The following IQSEC1 variants were observed in gnomAD, a reference collection of about 807,000 sequenced individuals.
IQSEC1 encodes IQ motif and SEC7 domain-containing protein 1.
Under a neutral mutation model 91.0 loss-of-function variants are expected in IQSEC1, and 31 were observed. The observed-to-expected ratio is 0.34, with a 90% CI of 0.26 to 0.46. The LOEUF is 0.46. IQSEC1 is among the 20% of genes least tolerant of loss of function. IQSEC1 has a pLI of 1.00. For missense variants in IQSEC1, 1,388 were observed against 1,575.6 expected, an observed-to-expected ratio of 0.88 and a Z score of 2.02; for synonymous variants, 699 against 662.6, an observed-to-expected ratio of 1.05 and a Z score of -0.84.
At chr3:13,234,420 G>A (rs1402176172) in intron 1 of IQSEC1, among the ~76,000 whole-genome samples, 1 of 152,208 alleles carries the variant, frequency 6.6e-6, no homozygotes, top group Non-Finnish European at 1.5e-5. Context: ...CAAGACAATG[G>A]TTTAAGCTAC....
chr3:13,153,249 G>A (rs1396673409), intron 2 of IQSEC1, among the ~76,000 whole-genome samples: 1 of 152,138 alleles, frequency 6.6e-6, no homozygotes. Flanking sequence ...TGGTCCAGCG[G>A]AAGTTGAAGC....
chr3:12,964,299 T>TACACACACACACACACAC (rs3072719), intron 1 of IQSEC1, among the ~76,000 whole-genome samples: 34 of 149,910 alleles, frequency 2.3e-4, no homozygotes, highest in South Asian at 8.5e-4. Context: ...ATACTCCCCC[T>TACACACACACACACACAC]ACACACACAC....
chr3:13,073,148 C>A lies in IQSEC1; in HGVS notation c.-134G>T. ...TAAATCGCGGGGCGAGTCACATTCCCGGGGGTGGCGGGCTCCTCCAGGGAG... is the reference window on the plus strand; with the variant it reads ...TAAATCGCGGGGCGAGTCACATTCCAGGGGGTGGCGGGCTCCTCCAGGGAG... On this transcript the variant is annotated 5_prime_UTR_variant, in exon 1 of 14. Coordinates refer to ENST00000613206, the MANE Select transcript of IQSEC1 (RefSeq NM_001134382.3). 1.8e-6 allele frequency: 1 copy of A among 564,276 alleles called. No homozygotes were observed. Among genetic ancestry groups the A allele is most frequent in the Non-Finnish European group, 2.9e-6 (1 of 340,634 alleles). 35.0% of individuals were successfully genotyped at this position (564,276 alleles called of 1,614,324 possible). A position where few individuals can be genotyped will look rare whatever the true frequency, so the allele number is the denominator to read the frequency against.
chr3:13,166,390 AT>A (rs1372433624), intron 1 of IQSEC1, among the ~76,000 whole-genome samples: 1 of 152,212 alleles, frequency 6.6e-6, no homozygotes, highest in Non-Finnish European at 1.5e-5. Flanking sequence ...AGTGCTTGTT[AT>A]GTGGCTGAGG....
Position 12,911,711 on chromosome 3 carries a change from C to T in IQSEC1, c.2334G>A (p.Gln778=). The T allele has an allele frequency of 6.2e-7, 1 of 1,612,798 alleles. No individual in the cohort carries two copies. The highest frequency in any genetic ancestry group is 8.5e-7 in the Non-Finnish European group (1 of 1,179,582). ...TGTACGTCACCGAGTTCTTCTTCTTCTGGAAGATCTTGGTGACCTAGAGGC... is the reference window on the plus strand; with the variant it reads ...TGTACGTCACCGAGTTCTTCTTCTTTTGGAAGATCTTGGTGACCTAGAGGC... The part of the protein sequence containing the change: ...NDLLVVTKIF[Q]KKKNSVTYSF... The change falls in exon 10 of 14, where the codon CAG becomes CAA. Residue 778 remains glutamine, a synonymous_variant. Coordinates refer to ENST00000613206, the MANE Select transcript of IQSEC1 (RefSeq NM_001134382.3).
At chr3:12,950,711 C>T (rs1699485927) in intron 1 of IQSEC1, among the ~76,000 whole-genome samples, 1 of 151,300 alleles carries the variant, frequency 6.6e-6, no homozygotes, top group Admixed American at 6.6e-5. Context: ...GGCGTGATCT[C>T]GGCTCACCGC....
At chr3:13,269,357 C>T (rs531955362) in intron 1 of IQSEC1, among the ~76,000 whole-genome samples, 2 of 152,374 alleles carry the variant, frequency 1.3e-5, no homozygotes, top group East Asian at 3.9e-4. Flanking sequence ...TTTCTCCAGA[C>T]CCCCTTTCCC....
intron 1 of IQSEC1, among the ~76,000 whole-genome samples, chr3:13,236,900 C>CA: frequency 7.2e-6 from 1 of 139,760 alleles, no homozygotes; most frequent in East Asian, 2.0e-4. Context: ...CAACAAAATG[C>CA]CCCCCTCCAG....
At chr3:13,151,782 A>T (rs1329870307) in intron 2 of IQSEC1, among the ~76,000 whole-genome samples, 1 of 152,206 alleles carries the variant, frequency 6.6e-6, no homozygotes, top group Non-Finnish European at 1.5e-5. Context: ...CCTGACCAAC[A>T]TGGTGAAACC....
chr3:13,239,762 G>A (rs1457217924), intron 1 of IQSEC1, among the ~76,000 whole-genome samples: 1 of 152,256 alleles, frequency 6.6e-6, no homozygotes, highest in Non-Finnish European at 1.5e-5. Context: ...TTGATGCTGA[G>A]GGAAATAAGC....
intron 1 of IQSEC1, among the ~76,000 whole-genome samples, chr3:13,212,792 T>C (rs1040416191): frequency 2.3e-4 from 35 of 152,340 alleles, no homozygotes; most frequent in Admixed American, 1.4e-3. Flanking sequence ...TCTTCTCACA[T>C]GTGTACTGGT....
rs147573022 is a variant in IQSEC1, at chr3:13,151,386, C to G, written c.302+12718G>C. On this transcript the variant is annotated intron_variant, in intron 2 of 15. Coordinates refer to the IQSEC1 transcript ENST00000648114. ...CCCTGAGTGATTCATCATTCAGGGA[C>G]CAGCTGAAAATCATGGCCCAACAGG... 3.2e-3 allele frequency among the ~76,000 whole-genome samples: 480 copies of G among 152,202 alleles called. 2 individuals carry two copies. Among genetic ancestry groups the G allele is most frequent in the African/African-American group, 0.011 (468 of 41,526 alleles).
intron 1 of IQSEC1, among the ~76,000 whole-genome samples, chr3:13,245,628 G>A (rs1398924927): frequency 2.0e-5 from 3 of 152,156 alleles, no homozygotes; most frequent in African/African-American, 7.2e-5. Flanking sequence ...ATTCCTGGGT[G>A]TGATGGCACA....
In IQSEC1 at chr3:12,900,255, C is replaced by A; in HGVS notation, c.*728G>T. ...AGTAATGATTGTGTAAAGATTTTAG[C>A]CAGTCCTAGAGGGACTTCTTTGTAT... On this transcript the variant is annotated 3_prime_UTR_variant, in exon 14 of 14. Transcript: ENST00000613206. 5.1e-6 allele frequency: 5 copies of A among 984,796 alleles called. No individual in the cohort carries two copies. The highest frequency in any genetic ancestry group is 6.0e-6 in the Non-Finnish European group (5 of 829,488). 61.0% of individuals were successfully genotyped at this position (984,796 alleles called of 1,614,324 possible).
chr3:13,175,262 A>C (rs183442100), intron 1 of IQSEC1, among the ~76,000 whole-genome samples: 49 of 152,166 alleles, frequency 3.2e-4, no homozygotes, highest in African/African-American at 1.1e-3. Context: ...ATGTTTCCTC[A>C]TTTGTAAAAT....
chr3:12,987,913 G>C (rs376395604), intron 1 of IQSEC1, among the ~76,000 whole-genome samples: 21 of 152,160 alleles, frequency 1.4e-4, no homozygotes, highest in Non-Finnish European at 2.9e-4. Context: ...GAGTGAAAAC[G>C]ACAAAGACCG....
chr3:12,947,772 C>T (rs1185198024), intron 1 of IQSEC1, among the ~76,000 whole-genome samples: 1 of 152,212 alleles, frequency 6.6e-6, no homozygotes, highest in Non-Finnish European at 1.5e-5. Flanking sequence ...CACAGTGAGC[C>T]CTCCTTTCCC....
At chr3:13,050,448 A>G (rs1704654371) in intron 1 of IQSEC1, among the ~76,000 whole-genome samples, 1 of 152,194 alleles carries the variant, frequency 6.6e-6, no homozygotes, top group African/African-American at 2.4e-5. Context: ...GCTGTTGAGA[A>G]ATGAGATAGT....
intron 1 of IQSEC1, among the ~76,000 whole-genome samples, chr3:13,044,362 C>T (rs766496680): frequency 2.0e-5 from 3 of 152,166 alleles, no homozygotes; most frequent in Non-Finnish European, 4.4e-5. Flanking sequence ...AATGGTCCTG[C>T]CCAAAATGTC....
Sources: gnomAD v4.1 joint callset for allele counts (sites outside exome capture counted in the v4.1 genomes callset) on GRCh38, gnomAD v4.1.1 for gene constraint, MANE v1.5 for transcripts, NCBI Gene and HGNC (gene_info 2026-07-23, HGNC 2026-07-21) for gene names.